Variants in CSMD1 observed in about 807,000 individuals in gnomAD.
The protein encoded by CSMD1 is CUB and Sushi multiple domains 1.
CSMD1 carries 213 observed loss-of-function variants against 417.5 expected under a neutral mutation model. That is an observed-to-expected ratio of 0.51 (90% CI 0.46 to 0.57). The LOEUF (loss-of-function observed/expected upper bound fraction) is 0.57, where lower values mean the gene tolerates loss of function less well. Among genes scored for constraint, CSMD1 ranks in the 20% least tolerant of loss-of-function variants. CSMD1 has a pLI of 0.00. For missense variants in CSMD1, 6,923 were observed against 4,529.7 expected (o/e 1.53, Z -15.17); for synonymous variants, 2,862 against 1,736.8 (o/e 1.65, Z -16.11).
chr8:4,063,853 A>G (rs1244844718), intron 3 of CSMD1, among the ~76,000 whole-genome samples: 1 of 152,244 alleles, frequency 6.6e-6, no homozygotes, highest in Non-Finnish European at 1.5e-5. Flanking sequence ...GTAGACTATG[A>G]CTTTGTCACA....
At chr8:4,873,474 T>C (rs1170629425) in intron 1 of CSMD1, among the ~76,000 whole-genome samples, 3 of 152,094 alleles carry the variant, frequency 2.0e-5, no homozygotes, top group Non-Finnish European at 2.9e-5. Context: ...TCCAGAAATT[T>C]TACTTCTTAA....
intron 9 of CSMD1, among the ~76,000 whole-genome samples, chr8:3,579,812 T>A (rs1276687570): frequency 6.6e-6 from 1 of 152,210 alleles, no homozygotes; most frequent in Non-Finnish European, 1.5e-5. Context: ...TGGCCTGACA[T>A]ATCACAGCAA....
intron 3 of CSMD1, among the ~76,000 whole-genome samples, chr8:4,277,621 C>G (rs1002825600): frequency 2.0e-5 from 3 of 152,170 alleles, no homozygotes; most frequent in African/African-American, 4.8e-5. Flanking sequence ...TCATACTTCC[C>G]TTTCTCACAA....
intron 1 of CSMD1, among the ~76,000 whole-genome samples, chr8:4,881,451 C>CTATCTATG (rs1554509749): frequency 1.5e-3 from 74 of 48,612 alleles, no homozygotes; most frequent in Admixed American, 3.5e-3. Flanking sequence ...ATCTATCTAT[C>CTATCTATG]TATCTATCTA....
At chr8:4,346,864 C>G (rs911859104) in intron 3 of CSMD1, among the ~76,000 whole-genome samples, 1 of 152,208 alleles carries the variant, frequency 6.6e-6, no homozygotes, top group Non-Finnish European at 1.5e-5. Context: ...CTCCACCTCT[C>G]TCAACATGTC....
At chr8:4,347,211 A>C (rs1800822471) in intron 3 of CSMD1, among the ~76,000 whole-genome samples, 1 of 152,070 alleles carries the variant, frequency 6.6e-6, no homozygotes, top group South Asian at 2.1e-4. Flanking sequence ...TTGAGTTAGA[A>C]ATACTTGGAA....
intron 3 of CSMD1, among the ~76,000 whole-genome samples, chr8:4,182,158 C>G (rs755481640): frequency 6.6e-6 from 1 of 151,918 alleles, no homozygotes; most frequent in Non-Finnish European, 1.5e-5. Context: ...CAACATAGCA[C>G]CAACAAAATA....
At chr8:3,803,538 G>C (rs912629924) in intron 5 of CSMD1, among the ~76,000 whole-genome samples, 2 of 152,202 alleles carry the variant, frequency 1.3e-5, no homozygotes, top group Non-Finnish European at 2.9e-5. Context: ...GCCCAGGACA[G>C]AGGTACGCAG....
intron 49 of CSMD1, among the ~76,000 whole-genome samples, chr8:3,084,598 A>C (rs1168202562): frequency 3.3e-5 from 5 of 151,926 alleles, no homozygotes; most frequent in Non-Finnish European, 5.9e-5. Context: ...AAACAAATAA[A>C]ATCTCTCTTT....
intron 7 of CSMD1, among the ~76,000 whole-genome samples, chr8:3,631,572 G>A (rs748967932): frequency 7.9e-5 from 12 of 152,166 alleles, no homozygotes; most frequent in Non-Finnish European, 1.3e-4. Context: ...TTGAAATGAC[G>A]CTAAGAAGCC....
Position 4,660,842 on chromosome 8 carries a change from A to T in CSMD1, c.86-23284T>A, listed in dbSNP as rs556507480. Among the ~76,000 whole-genome samples the T allele has an allele frequency of 1.8e-3, 269 of 151,992 alleles. 1 individual carries two copies. The highest frequency in any genetic ancestry group is 0.01 in the Middle Eastern group (3 of 294). On this transcript the variant is annotated intron_variant, in intron 1 of 69. Coordinates refer to ENST00000635120, the MANE Select transcript of CSMD1 (RefSeq NM_033225.6). The stretch of plus-strand genomic sequence containing the variant: ...AAGACATTTCACTGAAGATAGGCAG[A>T]TGGCAAATACCATGTTAAAAGGTAC...
At chr8:3,757,685 A>G (rs1315277276) in intron 5 of CSMD1, among the ~76,000 whole-genome samples, 2 of 152,014 alleles carry the variant, frequency 1.3e-5, no homozygotes, top group Non-Finnish European at 2.9e-5. Flanking sequence ...CAACATGGTG[A>G]AACCCTGTCT....
At chr8:4,290,676 G>A (rs1409302327) in intron 3 of CSMD1, among the ~76,000 whole-genome samples, 1 of 152,174 alleles carries the variant, frequency 6.6e-6, no homozygotes, top group Non-Finnish European at 1.5e-5. Flanking sequence ...GGTTTAAGTA[G>A]CAGCTTCAAC....
intron 2 of CSMD1, among the ~76,000 whole-genome samples, chr8:4,608,232 G>C (rs1800986717): frequency 6.6e-6 from 1 of 152,168 alleles, no homozygotes; most frequent in Non-Finnish European, 1.5e-5. Flanking sequence ...GAAGCATTTT[G>C]AGCTGGAGAT....
intron 26 of CSMD1, among the ~76,000 whole-genome samples, chr8:3,244,281 C>T (rs1031976460): frequency 2.0e-5 from 3 of 152,138 alleles, no homozygotes; most frequent in African/African-American, 7.2e-5. Flanking sequence ...GCCTGCGAAG[C>T]TCCTTGTTTC....
chr8:3,984,384 C>A (rs1185332545), intron 5 of CSMD1, among the ~76,000 whole-genome samples: 1 of 152,068 alleles, frequency 6.6e-6, no homozygotes, highest in African/African-American at 2.4e-5. Context: ...CCTATTTAGA[C>A]TTTTCAATTC....
At chr8:4,809,701 C>T (rs1485264464) in intron 1 of CSMD1, among the ~76,000 whole-genome samples, 2 of 152,182 alleles carry the variant, frequency 1.3e-5, no homozygotes, top group Non-Finnish European at 2.9e-5. Flanking sequence ...GATATCTAGC[C>T]TAGCATATCC....
chr8:4,753,821 T>A (rs933765144), intron 1 of CSMD1, among the ~76,000 whole-genome samples: 3 of 152,184 alleles, frequency 2.0e-5, no homozygotes, highest in African/African-American at 7.2e-5. Flanking sequence ...ACTTTCTTCA[T>A]CCTGTTATTA....
At chr8:3,102,041 A>G (rs929386497) in intron 46 of CSMD1, among the ~76,000 whole-genome samples, 23 of 152,088 alleles carry the variant, frequency 1.5e-4, no homozygotes, top group African/African-American at 5.3e-4. Context: ...ACCTCAGGTG[A>G]TCCTCCCACC....
Sources: gnomAD v4.1 joint callset for allele counts (sites outside exome capture counted in the v4.1 genomes callset) on GRCh38, gnomAD v4.1.1 for gene constraint, MANE v1.5 for transcripts, NCBI Gene and HGNC (gene_info 2026-07-23, HGNC 2026-07-21) for gene names.